The following SLC44A5 variants were observed in gnomAD, a reference collection of about 807,000 sequenced individuals.
SLC44A5 encodes choline transporter-like protein 5.
In SLC44A5, 57 loss-of-function variants were observed where a neutral mutation model predicts 101.8. That is an observed-to-expected ratio of 0.56 (90% confidence interval 0.45 to 0.70). The LOEUF (loss-of-function observed/expected upper bound fraction) is 0.70, where lower values mean the gene tolerates loss of function less well. SLC44A5 is among the 30% of genes least tolerant of loss of function. The pLI is 0.00. For missense variants in SLC44A5, 737 were observed against 853.1 expected (o/e 0.86, Z 1.70); for synonymous variants, 281 against 290.9 (o/e 0.97, Z 0.35).
At chr1:75,668,905 G>A in the SLC44A5 span, among the ~76,000 whole-genome samples, 488 of 151,468 alleles carry the variant, frequency 3.2e-3, 23 homozygotes, top group African/African-American at 0.011. Context: ...TGGGGCAGGA[G>A]AATCACTAGA....
intron 1 of SLC44A5, among the ~76,000 whole-genome samples, chr1:75,563,829 G>GA (rs1188808995): frequency 6.6e-6 from 1 of 152,102 alleles, no homozygotes; most frequent in Non-Finnish European, 1.5e-5. Flanking sequence ...ACAGGTGTCT[G>GA]AAAATCACAC....
intron 4 of SLC44A5, among the ~76,000 whole-genome samples, chr1:75,338,580 T>C (rs1346390652): frequency 6.6e-6 from 1 of 152,216 alleles, no homozygotes; most frequent in East Asian, 1.9e-4. Context: ...GCTGTTTGTA[T>C]ACTAGACAAC....
intron 4 of SLC44A5, among the ~76,000 whole-genome samples, chr1:75,319,613 C>A (rs190466401): frequency 7.9e-5 from 12 of 152,300 alleles, no homozygotes; most frequent in African/African-American, 2.6e-4. Context: ...GTAAACCCCA[C>A]AAGAGGCAAG....
At chr1:75,216,845 T>C (rs1646971905) in intron 18 of SLC44A5, among the ~76,000 whole-genome samples, 1 of 152,092 alleles carries the variant, frequency 6.6e-6, no homozygotes, top group Non-Finnish European at 1.5e-5. Flanking sequence ...TTTTATGTTC[T>C]GGATATGAAT....
the SLC44A5 span, among the ~76,000 whole-genome samples, chr1:75,681,937 A>G: frequency 0.26 from 39,228 of 152,068 alleles, 5,398 homozygotes; most frequent in Middle Eastern, 0.37. Context: ...AATGTGCAAA[A>G]ATCACAAGCA....
At chr1:75,602,452 T>C (rs1161733732) in intron 1 of SLC44A5, among the ~76,000 whole-genome samples, 2 of 152,154 alleles carry the variant, frequency 1.3e-5, no homozygotes, top group African/African-American at 2.4e-5. Context: ...TTAAGGATTG[T>C]GGAGGGGTGT....
the SLC44A5 span, among the ~76,000 whole-genome samples, chr1:75,679,939 C>A: frequency 6.6e-6 from 1 of 152,058 alleles, no homozygotes; most frequent in East Asian, 1.9e-4. Flanking sequence ...AAATGGAAAA[C>A]AAAAGAAGGC....
At chr1:75,554,586 G>A (rs566155598) in intron 1 of SLC44A5, among the ~76,000 whole-genome samples, 5 of 151,872 alleles carry the variant, frequency 3.3e-5, no homozygotes, top group African/African-American at 1.2e-4. Context: ...TACATTTGAA[G>A]AAATGAAAGA....
chr1:75,383,374 G>T (rs1354943033), intron 3 of SLC44A5, among the ~76,000 whole-genome samples: 6 of 149,656 alleles, frequency 4.0e-5, no homozygotes, highest in African/African-American at 1.5e-4. Flanking sequence ...TCTATACTTT[G>T]TCTCTGTGTC....
the SLC44A5 span, among the ~76,000 whole-genome samples, chr1:75,698,538 C>A: frequency 2.0e-5 from 3 of 152,348 alleles, no homozygotes; most frequent in Middle Eastern, 3.4e-3. Flanking sequence ...CTAGATAAAA[C>A]CACAAAGATG....
chr1:75,475,783 A>C (rs1667355269), intron 2 of SLC44A5, among the ~76,000 whole-genome samples: 1 of 152,244 alleles, frequency 6.6e-6, no homozygotes, highest in African/African-American at 2.4e-5. Context: ...AGATTAAATA[A>C]ATAGATCCTA....
chr1:75,342,556 C>T (rs1241609798), intron 3 of SLC44A5, among the ~76,000 whole-genome samples: 1 of 151,528 alleles, frequency 6.6e-6, no homozygotes, highest in Non-Finnish European at 1.5e-5. Flanking sequence ...CAAACAAAGC[C>T]TGTGTTGAAC....
intron 5 of SLC44A5, among the ~76,000 whole-genome samples, chr1:75,299,845 CT>C (rs138139868): frequency 0.35 from 51,526 of 148,476 alleles, 9,927 homozygotes; most frequent in East Asian, 0.83. Flanking sequence ...CTTGTCTCTA[CT>C]AAAAAAAAAA....
intron 2 of SLC44A5, among the ~76,000 whole-genome samples, chr1:75,508,909 T>C (rs866145954): frequency 1.3e-5 from 2 of 152,220 alleles, no homozygotes; most frequent in African/African-American, 4.8e-5. Flanking sequence ...CTTTGAGATG[T>C]TGACCCACAG....
chr1:75,456,310 T>C (rs566968740), intron 2 of SLC44A5, among the ~76,000 whole-genome samples: 18 of 152,214 alleles, frequency 1.2e-4, no homozygotes, highest in Non-Finnish European at 2.6e-4. Flanking sequence ...TAGGTACTCA[T>C]GGACATAAAG....
At position 75,527,144 on chromosome 1, in the gene SLC44A5, G is replaced by GA. The variant is rs538261254; in HGVS notation, c.13+14290dup. Among the ~76,000 whole-genome samples, 365 of 80,664 alleles carry GA rather than the reference G, an allele frequency of 4.5e-3. 1 individual carries two copies. The highest frequency in any genetic ancestry group is 7.7e-3 in the Non-Finnish European group (292 of 37,738). 52.9% of individuals were successfully genotyped at this position (80,664 alleles called of 152,430 possible). A position where few individuals can be genotyped will look rare whatever the true frequency, so the allele number is the denominator to read the frequency against. On this transcript the variant is annotated intron_variant, in intron 2 of 23. Transcript: ENST00000370859. ...AGCAAGACACTGTCGCAAAAAAAAA[G>GA]AAAAAAAAAAGAAAAGAAAAGAAAA...
chr1:75,442,201 G>C (rs1485539886), intron 2 of SLC44A5, among the ~76,000 whole-genome samples: 1 of 151,918 alleles, frequency 6.6e-6, no homozygotes, highest in Non-Finnish European at 1.5e-5. Context: ...TTTTCTGAAG[G>C]AATATTTTCA....
intron 3 of SLC44A5, among the ~76,000 whole-genome samples, chr1:75,362,612 A>G (rs975500953): frequency 1.3e-5 from 2 of 151,874 alleles, no homozygotes; most frequent in Non-Finnish European, 2.9e-5. Context: ...ATATTTTCTG[A>G]AATTCATTCT....
At chr1:75,650,322 T>C in the SLC44A5 span, among the ~76,000 whole-genome samples, 1 of 152,188 alleles carries the variant, frequency 6.6e-6, no homozygotes, top group Admixed American at 6.5e-5. Flanking sequence ...TTCTTAATAC[T>C]ACAAATTTTA....
Sources: gnomAD v4.1 joint callset for allele counts (sites outside exome capture counted in the v4.1 genomes callset) on GRCh38, gnomAD v4.1.1 for gene constraint, MANE v1.5 for transcripts, NCBI Gene and HGNC (gene_info 2026-07-23, HGNC 2026-07-21) for gene names.